The following RBFOX1 variants were observed in gnomAD, a reference collection of about 807,000 sequenced individuals.
RBFOX1 encodes RNA binding protein fox-1 homolog 1.
A neutral mutation model predicts 57.7 loss-of-function variants in RBFOX1; 8 were observed. The ratio of observed to expected loss-of-function variants is 0.14; its 90% CI spans 0.08 to 0.25. The LOEUF (loss-of-function observed/expected upper bound fraction) is 0.25. Among genes scored for constraint, RBFOX1 ranks in the 10% least tolerant of loss-of-function variants. The pLI, the probability that RBFOX1 is intolerant of heterozygous loss-of-function variation, is 1.00. For synonymous variants in RBFOX1, 326 were observed against 222.4 expected (o/e 1.47, Z -4.15); for missense variants, 611 against 548.5 (o/e 1.11, Z -1.14).
intron 2 of RBFOX1, among the ~76,000 whole-genome samples, chr16:6,499,208 G>A (rs529817647): frequency 6.6e-6 from 1 of 152,096 alleles, no homozygotes; most frequent in Non-Finnish European, 1.5e-5. Flanking sequence ...TTGGTTGTTA[G>A]GACATGATTT....
chr16:6,219,119 C>G (rs2097355142), intron 1 of RBFOX1, among the ~76,000 whole-genome samples: 1 of 152,146 alleles, frequency 6.6e-6, no homozygotes, highest in Non-Finnish European at 1.5e-5. Context: ...GCAAAGGTCA[C>G]AATCTGTGGT....
intron 3 of RBFOX1, among the ~76,000 whole-genome samples, chr16:6,655,041 C>G (rs1397864569): frequency 6.6e-6 from 1 of 151,472 alleles, no homozygotes; most frequent in Non-Finnish European, 1.5e-5. Flanking sequence ...TATTAGGCTT[C>G]CCAGGGTGTG....
chr16:6,827,585 A>G lies in RBFOX1; in HGVS notation c.-16+172935A>G, dbSNP rs1218817112. On this transcript the variant is annotated intron_variant, in intron 3 of 15. Transcript: ENST00000550418. ...AAAATAAAACTGAAATCCGTCTCAG[A>G]GGGCCAGTCTCAGAGTATCCCCTGC... 3.3e-5 allele frequency among the ~76,000 whole-genome samples: 5 copies of G among 152,262 alleles called. No homozygotes were observed. In the East Asian group the frequency reaches 9.7e-4, roughly 29 times the overall value.
At chr16:7,252,695 CTTTTT>C (rs541617900) in intron 4 of RBFOX1, among the ~76,000 whole-genome samples, 1 of 141,480 alleles carries the variant, frequency 7.1e-6, no homozygotes, top group African/African-American at 2.6e-5. Context: ...CATTTACATC[CTTTTT>C]TTTTTTTTTT....
At chr16:5,489,627 A>G (rs1322010764) in intron 2 of RBFOX1, among the ~76,000 whole-genome samples, 2 of 152,070 alleles carry the variant, frequency 1.3e-5, no homozygotes, top group African/African-American at 4.8e-5. Context: ...TGGTGGTATT[A>G]TTGTTGCTAT....
At chr16:7,562,615 T>A (rs763858619) in intron 5 of RBFOX1, among the ~76,000 whole-genome samples, 1 of 152,138 alleles carries the variant, frequency 6.6e-6, no homozygotes, top group Non-Finnish European at 1.5e-5. Context: ...CAGAATGAGA[T>A]GGGAGGCAAA....
chr16:7,235,112 G>T (rs1362027560), intron 4 of RBFOX1, among the ~76,000 whole-genome samples: 1 of 151,986 alleles, frequency 6.6e-6, no homozygotes, highest in Non-Finnish European at 1.5e-5. Flanking sequence ...TCTTTAAGAG[G>T]TATATAAATC....
At chr16:7,651,225 C>T (rs377561048) in intron 11 of RBFOX1, among the ~76,000 whole-genome samples, 2 of 152,200 alleles carry the variant, frequency 1.3e-5, no homozygotes, top group African/African-American at 2.4e-5. Flanking sequence ...TAAGAACACA[C>T]AGAATTCCAG....
intron 3 of RBFOX1, among the ~76,000 whole-genome samples, chr16:6,806,186 A>G (rs1236945436): frequency 2.6e-5 from 4 of 152,188 alleles, no homozygotes; most frequent in African/African-American, 7.2e-5. Context: ...GTCACAATAT[A>G]AGAGAAAAAT....
intron 4 of RBFOX1, among the ~76,000 whole-genome samples, chr16:7,092,290 T>C (rs1477915249): frequency 6.6e-6 from 1 of 152,210 alleles, no homozygotes; most frequent in African/African-American, 2.4e-5. Context: ...GCTATCGCAT[T>C]AAAAGCCTGT....
Position 7,383,031 on chromosome 16 carries a change from T to A in RBFOX1, c.28-135116T>A, listed in dbSNP as rs1223294400. ...ATGGTAAGCAAGGCCAGAAAATGCC[T>A]AAAGAGTAGAGAATTTTCTTTGGTA... On this transcript the variant is annotated intron_variant, in intron 4 of 15. Coordinates refer to ENST00000550418, the MANE Select transcript of RBFOX1 (RefSeq NM_018723.4). Among the ~76,000 whole-genome samples the A allele has an allele frequency of 3.3e-5, 5 of 152,182 alleles. No homozygotes were observed. The East Asian group carries it at 5.8e-4, about 18-fold the overall frequency.
intron 4 of RBFOX1, among the ~76,000 whole-genome samples, chr16:7,224,435 C>G (rs919833908): frequency 6.6e-6 from 1 of 152,142 alleles, no homozygotes; most frequent in Non-Finnish European, 1.5e-5. Context: ...TGCCCCATAC[C>G]AAGCATCACC....
chr16:7,129,228 T>C (rs190804533), intron 4 of RBFOX1, among the ~76,000 whole-genome samples: 200 of 152,238 alleles, frequency 1.3e-3, no homozygotes, highest in African/African-American at 4.2e-3. Context: ...TTATATAGTT[T>C]TTATTGATTC....
chr16:5,763,200 C>T (rs1597148700), intron 3 of RBFOX1, among the ~76,000 whole-genome samples: 2 of 152,190 alleles, frequency 1.3e-5, no homozygotes, highest in Non-Finnish European at 2.9e-5. Flanking sequence ...TCCTTCCCCG[C>T]TGTTGGCACT....
chr16:5,511,063 C>T (rs1387166200), intron 2 of RBFOX1, among the ~76,000 whole-genome samples: 5 of 152,084 alleles, frequency 3.3e-5, no homozygotes, highest in Admixed American at 2.6e-4. Flanking sequence ...CAGCATGATG[C>T]AATTGGCCGT....
chr16:6,851,495 T>A (rs529841174), intron 3 of RBFOX1, among the ~76,000 whole-genome samples: 8 of 152,176 alleles, frequency 5.3e-5, no homozygotes, highest in Non-Finnish European at 7.4e-5. Flanking sequence ...ATATAACAAC[T>A]TAGAGTTTGA....
intron 2 of RBFOX1, among the ~76,000 whole-genome samples, chr16:5,517,647 A>C (rs980088982): frequency 4.6e-5 from 7 of 152,210 alleles, no homozygotes; most frequent in Admixed American, 6.5e-5. Flanking sequence ...TTGGCATCTC[A>C]AATAGATTGG....
chr16:7,214,419 C>G (rs1490064791), intron 4 of RBFOX1, among the ~76,000 whole-genome samples: 7 of 152,048 alleles, frequency 4.6e-5, no homozygotes, highest in Non-Finnish European at 1.0e-4. Flanking sequence ...CTCTCATGGG[C>G]AGACTGCTCC....
At chr16:5,814,430 C>T (rs28699164) in intron 3 of RBFOX1, among the ~76,000 whole-genome samples, 3,288 of 152,266 alleles carry the variant, frequency 0.022, 124 homozygotes, top group African/African-American at 0.074. Context: ...CCCCCAGCAG[C>T]GACAATAATA....
Sources: allele counts gnomAD v4.1 joint callset (sites outside exome capture counted in the v4.1 genomes callset), GRCh38; gene constraint gnomAD v4.1.1; transcripts MANE v1.5; gene names NCBI Gene and HGNC (gene_info 2026-07-23, HGNC 2026-07-21).